Variants in KLRD1 observed in about 807,000 individuals in gnomAD.
KLRD1 encodes the protein natural killer cells antigen CD94.
KLRD1 carries 21 observed loss-of-function variants against 22.6 expected under a neutral mutation model. The observed-to-expected ratio is 0.93, with a 90% CI of 0.66 to 1.34. KLRD1 has a LOEUF of 1.34. Ranked by LOEUF, KLRD1 falls within the 40% of genes most tolerant of loss-of-function variation. The probability of loss-of-function intolerance (pLI) is 0.00; values close to 1 mark genes in which losing one functional copy is unlikely to be tolerated. For synonymous variants in KLRD1, 59 were observed against 71.1 expected (o/e 0.83, Z 0.85); for missense variants, 183 against 208.6 (o/e 0.88, Z 0.76).
intron 1 of KLRD1, among the ~76,000 whole-genome samples, chr12:10,264,992 T>C (rs1040459238): frequency 6.6e-6 from 1 of 152,156 alleles, no homozygotes; most frequent in East Asian, 1.9e-4. Context: ...CATAACGTCT[T>C]CCAAGTTCAT....
At chr12:10,290,553 G>T (rs1156703922) in intron 1 of KLRD1, among the ~76,000 whole-genome samples, 1 of 152,116 alleles carries the variant, frequency 6.6e-6, no homozygotes, top group Admixed American at 6.5e-5. Flanking sequence ...CCTGATACAT[G>T]CACGCACAAA....
At chr12:10,250,072 G>A (rs1949330761) in intron 1 of KLRD1, among the ~76,000 whole-genome samples, 1 of 152,026 alleles carries the variant, frequency 6.6e-6, no homozygotes, top group Non-Finnish European at 1.5e-5. Flanking sequence ...TTCAACTTCT[G>A]TCCTGAGTCT....
intron 1 of KLRD1, among the ~76,000 whole-genome samples, chr12:10,270,298 GC>G (rs1183474503): frequency 6.6e-6 from 1 of 151,950 alleles, no homozygotes; most frequent in Non-Finnish European, 1.5e-5. Flanking sequence ...AAATTTAAAG[GC>G]TATTTAAAAT....
At chr12:10,261,390 TA>T (rs1949452741) in intron 1 of KLRD1, among the ~76,000 whole-genome samples, 1 of 152,184 alleles carries the variant, frequency 6.6e-6, no homozygotes, top group Non-Finnish European at 1.5e-5. Flanking sequence ...AACTAAAATA[TA>T]AAAGACATCT....
chr12:10,256,491 ATAAT>A (rs979093641), intron 1 of KLRD1, among the ~76,000 whole-genome samples: 1 of 133,300 alleles, frequency 7.5e-6, no homozygotes, highest in African/African-American at 3.4e-5. Flanking sequence ...TGTATATTCT[ATAAT>A]TTGTGTTAAC....
intron 1 of KLRD1, chr12:10,309,026 A>T (rs1364168804): frequency 5.8e-6 from 1 of 173,392 alleles, no homozygotes; most frequent in Non-Finnish European, 1.2e-5. Context: ...TGTTGAGAGA[A>T]TAAAAATAAA....
Position 10,309,457 on chromosome 12 carries a change from C to T in KLRD1, c.77C>T (p.Thr26Met), listed in dbSNP as rs201683513. 14 of 1,520,736 alleles carry T rather than the reference C, an allele frequency of 9.2e-6. No homozygotes were observed. The highest frequency in any genetic ancestry group is 2.3e-5 in the East Asian group (1 of 44,360). The allele number at this position is 1,520,736 out of a possible 1,614,324, so 94.2% of individuals were successfully genotyped here. ...LGIICLSLMS[T>M]LGILLKNSFT... Reference sequence around the variant, plus strand: ...ATAATATGCCTTTCGTTGATGTCTACGTTGGGAATTTTGTTGAAAAATTGT... The same window carrying T: ...ATAATATGCCTTTCGTTGATGTCTATGTTGGGAATTTTGTTGAAAAATTGT... The change falls in exon 2 of 6, where the codon ACG (threonine) becomes ATG (methionine). Residue 26 changes from threonine (T) to methionine (M), a missense_variant. Transcript: ENST00000336164.
Position 10,313,394 on chromosome 12 carries a change from C to A in KLRD1, c.316-16C>A, listed in dbSNP as rs1286345699. The A allele has an allele frequency of 6.8e-7, 1 of 1,472,220 alleles. No individual in the cohort carries two copies. Among genetic ancestry groups the A allele is most frequent in the East Asian group, 2.3e-5 (1 of 43,332 alleles). The allele number at this position is 1,472,220 out of a possible 1,614,324, so 91.2% of individuals were successfully genotyped here. ...ATTAAAATTAGATTAATGTGATTGT[C>A]TTTTACTTGAAGCAGGATTTTATGA... On this transcript the variant is annotated splice_polypyrimidine_tract_variant and intron_variant, in intron 4 of 5. Transcript: ENST00000336164.
At chr12:10,291,695 T>C (rs1949772179) in intron 1 of KLRD1, among the ~76,000 whole-genome samples, 1 of 151,590 alleles carries the variant, frequency 6.6e-6, no homozygotes, top group Admixed American at 6.6e-5. Context: ...TACATAGGTA[T>C]ACATGTGCCA....
chr12:10,302,943 A>G (rs950857503), upstream of KLRD1, among the ~76,000 whole-genome samples: 1 of 152,138 alleles, frequency 6.6e-6, no homozygotes, highest in African/African-American at 2.4e-5. Flanking sequence ...CCTTTTTATT[A>G]GTTTGTCAAA....
chr12:10,239,579 C>CTTTCTT (rs1565443518), intron 1 of KLRD1, among the ~76,000 whole-genome samples: 1 of 116,566 alleles, frequency 8.6e-6, no homozygotes, highest in Non-Finnish European at 1.8e-5. Flanking sequence ...TTCTTTCTTT[C>CTTTCTT]TTTCTTTTTC....
rs920028090 is a variant in KLRD1 at position 10,326,341 on chromosome 12, T to C, written c.*11548T>C. On this transcript the variant is annotated 3_prime_UTR_variant, in exon 6 of 6. Coordinates refer to ENST00000336164, the MANE Select transcript of KLRD1 (RefSeq NM_002262.5). ...CTCAGTTAATTTAGAAAGTTTATTT[T>C]GCAAAGGTTGAGAACATATGCCCAT... The C allele has an allele frequency of 5.3e-5, 8 of 152,222 alleles. No homozygotes were observed. The highest frequency in any genetic ancestry group is 1.9e-4 in the African/African-American group (8 of 41,456). The allele number at this position is 152,222 out of a possible 1,614,324, so 9.4% of individuals were successfully genotyped here. A position where few individuals can be genotyped will look rare whatever the true frequency, so the allele number is the denominator to read the frequency against.
chr12:10,262,331 C>G (rs1232086895), intron 1 of KLRD1, among the ~76,000 whole-genome samples: 2 of 152,008 alleles, frequency 1.3e-5, no homozygotes, highest in Non-Finnish European at 2.9e-5. Flanking sequence ...CAAAGGAAGA[C>G]CAATTACCTT....
upstream of KLRD1, among the ~76,000 whole-genome samples, chr12:10,305,890 C>T (rs1223754899): frequency 1.3e-5 from 2 of 152,036 alleles, no homozygotes; most frequent in South Asian, 2.1e-4. Context: ...AGGCCGGGCA[C>T]GGTGGCTCAC....
At chr12:10,276,985 C>A (rs1035142533) in intron 1 of KLRD1, among the ~76,000 whole-genome samples, 10 of 152,052 alleles carry the variant, frequency 6.6e-5, no homozygotes, top group African/African-American at 2.4e-4. Context: ...AGATGACTCA[C>A]CATTAAGTCT....
At position 10,242,003 on chromosome 12, in the gene KLRD1, T is replaced by C. The variant is rs79084401; in HGVS notation, c.-101+15770T>C. ...ATTCTTATAGGTCATTCGATTCCTCTTGTTGAACTGGAGAAACTTCTCCCA... is the reference window on the plus strand; with the variant it reads ...ATTCTTATAGGTCATTCGATTCCTCCTGTTGAACTGGAGAAACTTCTCCCA... On this transcript the variant is annotated intron_variant, in intron 1 of 5. Coordinates refer to the KLRD1 transcript ENST00000544747. Among the ~76,000 whole-genome samples, 210 of 151,842 alleles carry C rather than the reference T, an allele frequency of 1.4e-3. 2 individuals carry two copies. The East Asian group carries it at 0.03, about 22-fold the overall frequency.
chr12:10,302,829 T>C (rs1189264987), upstream of KLRD1, among the ~76,000 whole-genome samples: 1 of 151,832 alleles, frequency 6.6e-6, no homozygotes, highest in Non-Finnish European at 1.5e-5. Context: ...TAGGAGCAAT[T>C]GGGAAGGTCA....
chr12:10,269,297 G>T (rs1949528252), intron 1 of KLRD1, among the ~76,000 whole-genome samples: 1 of 151,572 alleles, frequency 6.6e-6, no homozygotes, highest in South Asian at 2.1e-4. Context: ...ATTACAGGCG[G>T]TTGCCACCAT....
At position 10,323,376 on chromosome 12, in the gene KLRD1, G is replaced by C. The variant is rs1478502076; in HGVS notation, c.*8583G>C. ...AGGACCTTCTGGATACTATGCATTT[G>C]CATACAATTGTACATTTAATTTCCA... On this transcript the variant is annotated 3_prime_UTR_variant, in exon 6 of 6. Coordinates refer to ENST00000336164, the MANE Select transcript of KLRD1 (RefSeq NM_002262.5). 1 of 151,978 alleles carries C rather than the reference G, an allele frequency of 6.6e-6. No homozygotes were observed. Among genetic ancestry groups the C allele is most frequent in the Non-Finnish European group, 1.5e-5 (1 of 67,994 alleles). The allele number at this position is 151,978 out of a possible 1,614,324, so 9.4% of individuals were successfully genotyped here. A position where few individuals can be genotyped will look rare whatever the true frequency, so the allele number is the denominator to read the frequency against.
Sources: gnomAD v4.1 joint callset for allele counts (sites outside exome capture counted in the v4.1 genomes callset) on GRCh38, gnomAD v4.1.1 for gene constraint, MANE v1.5 for transcripts, NCBI Gene and HGNC (gene_info 2026-07-23, HGNC 2026-07-21) for gene names.